Variants in KDM2B observed in about 807,000 individuals in gnomAD.
KDM2B encodes lysine-specific demethylase 2B.
A neutral mutation model predicts 150.0 loss-of-function variants in KDM2B; 26 were observed. The ratio of observed to expected loss-of-function variants is 0.17; its 90% CI spans 0.13 to 0.24. The LOEUF is 0.24. Among genes scored for constraint, KDM2B ranks in the 10% least tolerant of loss-of-function variants. The probability of loss-of-function intolerance (pLI) is 1.00; values close to 1 mark genes in which losing one functional copy is unlikely to be tolerated. For synonymous variants in KDM2B, 734 were observed against 729.5 expected (o/e 1.01, Z -0.10); for missense variants, 1,265 against 1,816.9 (o/e 0.70, Z 5.52).
rs114176825 is a variant in KDM2B at position 121,461,843 on chromosome 12, C to G, written c.1735-8499G>C. Among the ~76,000 whole-genome samples the G allele has an allele frequency of 5.3e-3, 808 of 152,222 alleles. 4 individuals are homozygous for G. The highest frequency in any genetic ancestry group is 0.019 in the African/African-American group (769 of 41,526). ...GAATGGAAGAGTGAAAAGAGAACTC[C>G]AACAGTCCCTTCAAGACTGAAAACA... is the stretch of plus-strand genomic sequence containing the variant. On this transcript the variant is annotated intron_variant, in intron 12 of 22. Transcript: ENST00000377071.
intron 11 of KDM2B, among the ~76,000 whole-genome samples, chr12:121,496,598 GA>G (rs763672213): frequency 6.7e-6 from 1 of 149,894 alleles, no homozygotes; most frequent in Admixed American, 6.7e-5. Context: ...GGGCTCAAGT[GA>G]TCCTCCCACC....
chr12:121,545,254 A>G (rs1888939033), intron 6 of KDM2B, among the ~76,000 whole-genome samples: 2 of 152,200 alleles, frequency 1.3e-5, no homozygotes, highest in Non-Finnish European at 2.9e-5. Context: ...TTTCCTTCCT[A>G]ACGAGGTTCG....
chr12:121,484,654 C>A (rs946785540), intron 12 of KDM2B, among the ~76,000 whole-genome samples: 1 of 150,914 alleles, frequency 6.6e-6, no homozygotes, highest in African/African-American at 2.4e-5. Flanking sequence ...CCCATCTCTA[C>A]AAAAAAAACA....
intron 2 of KDM2B, among the ~76,000 whole-genome samples, chr12:121,576,094 G>C (rs28421662): frequency 0.15 from 22,176 of 152,106 alleles, 2,019 homozygotes; most frequent in African/African-American, 0.23. Context: ...AGTCATTCTC[G>C]GCATGCCCCA....
chr12:121,462,761 G>A (rs1879280771), intron 12 of KDM2B, among the ~76,000 whole-genome samples: 1 of 151,918 alleles, frequency 6.6e-6, no homozygotes, highest in Admixed American at 6.6e-5. Flanking sequence ...CAAAGTGTTG[G>A]GATTTCAGGC....
In KDM2B at chr12:121,535,714, C is replaced by T. The variant is rs375528077; in HGVS notation, c.684-1124G>A. 8.0e-4 allele frequency among the ~76,000 whole-genome samples: 122 copies of T among 152,288 alleles called. No individual in the cohort carries two copies. The South Asian group carries it at 0.02, about 25-fold the overall frequency. On this transcript the variant is annotated intron_variant, in intron 6 of 22. Transcript: ENST00000377071. ...TGAATCCAGGGGAAGCAGGAACTGG[C>T]CAGCAGCCATCCCCTTCTCAGTGCT... is the stretch of plus-strand genomic sequence containing the variant.
rs141037059 is a variant in KDM2B, at chr12:121,531,493, C to T, written c.931+1313G>A. Among the ~76,000 whole-genome samples the T allele has an allele frequency of 2.3e-3, 347 of 152,306 alleles. 4 individuals are homozygous for T. The highest frequency in any genetic ancestry group is 8.1e-3 in the African/African-American group (337 of 41,566). On this transcript the variant is annotated intron_variant, in intron 8 of 22. Transcript: ENST00000377071. ...ACTCCTATCCTCTGGTCCAAGCTTC[C>T]ACCCAGTTGTAGATTGTCTGCAAGC...
intron 6 of KDM2B, among the ~76,000 whole-genome samples, chr12:121,538,266 C>A (rs1888328533): frequency 6.6e-6 from 1 of 152,050 alleles, no homozygotes; most frequent in South Asian, 2.1e-4. Context: ...CTCCCCACCC[C>A]CCTGAGCCCC....
At chr12:121,561,396 G>A (rs1890329545) in intron 4 of KDM2B, among the ~76,000 whole-genome samples, 1 of 152,150 alleles carries the variant, frequency 6.6e-6, no homozygotes, top group Non-Finnish European at 1.5e-5. Context: ...GCACTGATTA[G>A]CAAGAGCACT....
chr12:121,547,645 CTTTTTT>C (rs55686141), intron 6 of KDM2B, among the ~76,000 whole-genome samples: 4 of 80,266 alleles, frequency 5.0e-5, no homozygotes, highest in South Asian at 4.1e-4. Flanking sequence ...CTTCCCCTTC[CTTTTTT>C]TTTTTTTTTT....
chr12:121,549,332 A>T lies in KDM2B; in HGVS notation c.576+128T>A. ...CACGTTACCAACCTTAGTCACCCCT[A>T]TGCCTGCCAAGCCCAGCCAGCCACA... On this transcript the variant is annotated intron_variant, in intron 5 of 22. Transcript: ENST00000377071. The surrounding 1 kb of genome is among the most constrained non-coding windows in gnomAD (Gnocchi z 4.4). 1 of 812,100 alleles carries T rather than the reference A, an allele frequency of 1.2e-6. No individual in the cohort carries two copies. The highest frequency in any genetic ancestry group is 1.9e-6 in the Non-Finnish European group (1 of 516,772). 50.3% of individuals were successfully genotyped at this position (812,100 alleles called of 1,614,324 possible).
chr12:121,498,644 T>C (rs2140460926), intron 11 of KDM2B, among the ~76,000 whole-genome samples: 1 of 152,294 alleles, frequency 6.6e-6, no homozygotes, highest in South Asian at 2.1e-4. Flanking sequence ...TTTGTTTTCT[T>C]TGAGTTTCCT....
At chr12:121,443,567 G>A (rs1875563000) in intron 17 of KDM2B, 113 bp downstream of exon 17, 4 of 722,068 alleles carry the variant, frequency 5.5e-6, no homozygotes, top group Non-Finnish European at 9.9e-6. Flanking sequence ...GCCGAGACCT[G>A]GGAAGCCTCA....
chr12:121,427,206 G>C (rs79275964), downstream of KDM2B, among the ~76,000 whole-genome samples: 15,978 of 151,504 alleles, frequency 0.11, 942 homozygotes, highest in South Asian at 0.23. Context: ...GTTGCTTGTA[G>C]CATTTAGCCT....
At chr12:121,534,745 G>C in intron 6 of KDM2B, 155 bp from the exon 7 acceptor site, 1 of 601,930 alleles carries the variant, frequency 1.7e-6, no homozygotes, top group Non-Finnish European at 2.9e-6. Flanking sequence ...AATGTAATCG[G>C]AGTTCCCCAC....
At chr12:121,428,680 G>A (rs1219708814), downstream of KDM2B, among the ~76,000 whole-genome samples, 1 of 152,004 alleles carries the variant, frequency 6.6e-6, no homozygotes, top group African/African-American at 2.4e-5. Flanking sequence ...CGCCAGCAGG[G>A]TCCTGTCTTT....
chr12:121,479,581 T>A (rs563024448), intron 12 of KDM2B, among the ~76,000 whole-genome samples: 1 of 152,234 alleles, frequency 6.6e-6, no homozygotes, highest in East Asian at 1.9e-4. Context: ...TCAGCATCAT[T>A]GCACTGAAGC....
intron 6 of KDM2B, among the ~76,000 whole-genome samples, chr12:121,540,280 C>T (rs1214339334): frequency 1.3e-5 from 2 of 152,128 alleles, no homozygotes; most frequent in African/African-American, 4.8e-5. Flanking sequence ...TAGTGCATGG[C>T]CCACAGCATC....
intron 8 of KDM2B, among the ~76,000 whole-genome samples, chr12:121,527,518 G>A (rs1887251004): frequency 6.6e-6 from 1 of 150,760 alleles, no homozygotes; most frequent in Non-Finnish European, 1.5e-5. Flanking sequence ...GCCGGGCATG[G>A]TGGCAGGCGC....
Sources: allele counts gnomAD v4.1 joint callset (sites outside exome capture counted in the v4.1 genomes callset), GRCh38; gene constraint gnomAD v4.1.1; non-coding constraint Gnocchi (gnomAD v3.1); transcripts MANE v1.5; gene names NCBI Gene and HGNC (gene_info 2026-07-23, HGNC 2026-07-21).